SRGAP2: variants seen among roughly 807,000 people sequenced by gnomAD.
SRGAP2 encodes SLIT-ROBO Rho GTPase activating protein 2, also known as SLIT-ROBO Rho GTPase-activating protein 2.
Under a neutral mutation model 57.2 loss-of-function variants are expected in SRGAP2, and 15 were observed. That is an observed-to-expected ratio of 0.26 (90% CI 0.18 to 0.40). The LOEUF (loss-of-function observed/expected upper bound fraction) is 0.40. Among genes scored for constraint, SRGAP2 ranks in the 10% least tolerant of loss-of-function variants. SRGAP2 has a pLI of 1.00. For synonymous variants in SRGAP2, 249 were observed against 248.0 expected, an observed-to-expected ratio of 1.00 and a Z score of -0.04; for missense variants, 520 against 669.6, an observed-to-expected ratio of 0.78 and a Z score of 2.47.
rs782246288 is a variant in SRGAP2, at chr1:206,446,168, CCAG to C, written c.1969_1971del (p.Gln657del). The C allele has an allele frequency of 1.3e-6, 1 of 780,946 alleles. No individual in the cohort carries two copies. The highest frequency in any genetic ancestry group is 2.4e-6 in the Non-Finnish European group (1 of 418,002). The allele number at this position is 780,946 out of a possible 1,614,324, so 48.4% of individuals were successfully genotyped here. A position where few individuals can be genotyped will look rare whatever the true frequency, so the allele number is the denominator to read the frequency against. ...TAATGTCAGTGCCAGAGGGCCACGACCAGGTGTCCTGCCAAGCCCACGTGAATG... is the reference window on the plus strand; with the variant it reads ...TAATGTCAGTGCCAGAGGGCCACGACGTGTCCTGCCAAGCCCACGTGAATG... On this transcript the variant is annotated inframe_deletion, in exon 18 of 23. Coordinates refer to ENST00000573034, the MANE Select transcript of SRGAP2 (RefSeq NM_015326.5).
chr1:206,442,423 A>G (rs1662386826), intron 17 of SRGAP2, among the ~76,000 whole-genome samples: 1 of 152,114 alleles, frequency 6.6e-6, no homozygotes, highest in Admixed American at 6.5e-5. Context: ...TGCCCTCAAC[A>G]TGAGCCTCGT....
intron 2 of SRGAP2, among the ~76,000 whole-genome samples, chr1:206,279,649 A>G (rs1421669886): frequency 7.0e-6 from 1 of 142,402 alleles, no homozygotes; most frequent in Non-Finnish European, 1.5e-5. Context: ...GAACCCCTGG[A>G]CTCAAGTGAT....
chr1:206,370,881 G>A (rs1558356669), intron 4 of SRGAP2, among the ~76,000 whole-genome samples: 1 of 151,978 alleles, frequency 6.6e-6, no homozygotes, highest in African/African-American at 2.4e-5. Context: ...TGAAACGTCA[G>A]AAAACAATGC....
chr1:206,276,682 C>T (rs1429719517), intron 2 of SRGAP2, among the ~76,000 whole-genome samples: 2 of 152,096 alleles, frequency 1.3e-5, no homozygotes, highest in African/African-American at 2.4e-5. Context: ...AAATCCTTTC[C>T]GGGGTTTTCC....
At chr1:206,374,119 G>C (rs1654991203) in intron 4 of SRGAP2, among the ~76,000 whole-genome samples, 1 of 148,960 alleles carries the variant, frequency 6.7e-6, no homozygotes, top group South Asian at 2.1e-4. Context: ...CCGCCTCCCG[G>C]GTTCACGCCA....
intron 4 of SRGAP2, among the ~76,000 whole-genome samples, chr1:206,373,132 G>T: frequency 1.9e-5 from 2 of 106,634 alleles, no homozygotes; most frequent in South Asian, 3.0e-4. Flanking sequence ...GTCTTGCTCT[G>T]TCACCCAGGC....
chr1:206,433,502 G>T (rs1378511979), intron 14 of SRGAP2, among the ~76,000 whole-genome samples: 1 of 152,060 alleles, frequency 6.6e-6, no homozygotes, highest in African/African-American at 2.4e-5. Flanking sequence ...TTAGCTGGGT[G>T]TGGTGTTGGG....
At chr1:206,357,669 C>T (rs1339837492) in intron 4 of SRGAP2, among the ~76,000 whole-genome samples, 5 of 149,886 alleles carry the variant, frequency 3.3e-5, no homozygotes, top group African/African-American at 4.9e-5. Context: ...CTGCAACCTC[C>T]GCCTCCCGGG....
chr1:206,373,052 C>T (rs1193181216), intron 4 of SRGAP2, among the ~76,000 whole-genome samples: 2 of 132,998 alleles, frequency 1.5e-5, no homozygotes, highest in Non-Finnish European at 3.2e-5. Context: ...CTCTCTTTCT[C>T]TCTCTCTCTC....
chr1:206,260,542 T>C (rs1669487276), intron 2 of SRGAP2, among the ~76,000 whole-genome samples: 1 of 152,114 alleles, frequency 6.6e-6, no homozygotes, highest in Admixed American at 6.5e-5. Flanking sequence ...TATGAACATA[T>C]GTTCTTACCC....
At chr1:206,372,931 CTTTCTTTCTTTCTTTCTTTCTTTCT>C (rs1654698346) in intron 4 of SRGAP2, among the ~76,000 whole-genome samples, 2 of 7,528 alleles carry the variant, frequency 2.7e-4, no homozygotes, top group African/African-American at 1.9e-3. Flanking sequence ...TTCTTTCTTT[CTTTCTTTCTTTCTTTCTTTCTTTCT>C]TTTCTTTCCT....
intron 15 of SRGAP2, chr1:206,437,737 T>G: frequency 1.9e-6 from 1 of 518,484 alleles, no homozygotes; most frequent in Non-Finnish European, 3.5e-6. Context: ...CACAAGAGAG[T>G]TTATATTGGT....
chr1:206,393,432 A>G, intron 6 of SRGAP2, 113 bp from the exon 7 acceptor site: 1 of 593,450 alleles, frequency 1.7e-6, no homozygotes, highest in South Asian at 2.0e-5. Context: ...GCAGATGCGC[A>G]TAGGGAGTAG....
intron 3 of SRGAP2, among the ~76,000 whole-genome samples, chr1:206,308,978 GC>G (rs1488017036): frequency 1.4e-5 from 2 of 139,948 alleles, no homozygotes; most frequent in East Asian, 4.2e-4. Flanking sequence ...TTTGAGACCA[GC>G]CTAGGCAACA....
At chr1:206,374,263 G>A (rs1167651280) in intron 4 of SRGAP2, among the ~76,000 whole-genome samples, 1 of 151,274 alleles carries the variant, frequency 6.6e-6, no homozygotes, top group Admixed American at 6.6e-5. Context: ...TGATCCGCCC[G>A]CTTCGGCCTC....
intron 3 of SRGAP2, among the ~76,000 whole-genome samples, chr1:206,306,394 C>T (rs1355816049): frequency 3.8e-4 from 58 of 152,072 alleles, no homozygotes; most frequent in African/African-American, 1.3e-3. Context: ...TCGTTCCTCC[C>T]GGTGGGCTTG....
In SRGAP2 at chr1:206,292,356, A is replaced by G. The variant is rs1216470199; in HGVS notation, c.68-10925A>G. ...TAGCAGGAGAGAAAGCCTGGGTGGG[A>G]TTGAGAGTCACACAGCAAGGGTAGA... On this transcript the variant is annotated intron_variant, in intron 2 of 22. Coordinates refer to ENST00000573034, the MANE Select transcript of SRGAP2 (RefSeq NM_015326.5). 2.4e-3 allele frequency among the ~76,000 whole-genome samples: 363 copies of G among 152,286 alleles called. 3 individuals carry two copies. The highest frequency in any genetic ancestry group is 8.3e-3 in the African/African-American group (343 of 41,556).
chr1:206,213,718 G>A (rs1236752527), intron 2 of SRGAP2, among the ~76,000 whole-genome samples: 2 of 152,020 alleles, frequency 1.3e-5, no homozygotes, highest in Non-Finnish European at 2.9e-5. Flanking sequence ...TCAGGAGTTC[G>A]AGACCAGCCT....
At chr1:206,442,644 A>G (rs1662409691) in intron 17 of SRGAP2, among the ~76,000 whole-genome samples, 2 of 152,170 alleles carry the variant, frequency 1.3e-5, no homozygotes, top group Non-Finnish European at 2.9e-5. Flanking sequence ...TTTTGCTTTT[A>G]TTGGGTTTTT....
Sources: allele counts gnomAD v4.1 joint callset (sites outside exome capture counted in the v4.1 genomes callset), GRCh38; gene constraint gnomAD v4.1.1; transcripts MANE v1.5; gene names NCBI Gene and HGNC (gene_info 2026-07-23, HGNC 2026-07-21).